RPSA: variants seen among roughly 807,000 people sequenced by gnomAD.
RPSA encodes the protein small ribosomal subunit protein uS2.
For synonymous variants in RPSA, 103 were observed against 126.7 expected (o/e 0.81, Z 1.25); for missense variants, 140 against 372.8 (o/e 0.38, Z 5.14).
intron 4 of RPSA, chr3:39,411,208 TAACA>T (rs1559400270): frequency 1.3e-6 from 1 of 753,412 alleles, no homozygotes; most frequent in East Asian, 2.5e-5. Context: ...GCTACAAGTA[TAACA>T]TTACTGCATG....
chr3:39,408,494 A>G lies in RPSA; in HGVS notation c.134-112A>G, dbSNP rs2125592200. The G allele has an allele frequency of 3.8e-6, 3 of 791,320 alleles. No individual in the cohort carries two copies. The East Asian group carries it at 7.3e-5, about 19-fold the overall frequency. 49.0% of individuals were successfully genotyped at this position (791,320 alleles called of 1,614,324 possible). A position where few individuals can be genotyped will look rare whatever the true frequency, so the allele number is the denominator to read the frequency against. ...GCAGGATTTTCGCTAACACCAGTAG[A>G]GCTTGCCTCTATGACTGGAGTTTGG... On this transcript the variant is annotated intron_variant, in intron 2 of 6. Coordinates refer to ENST00000301821, the MANE Select transcript of RPSA (RefSeq NM_002295.6).
rs3772138 is a variant in RPSA, at chr3:39,408,574, C to T, written c.134-32C>T. Reference sequence around the variant, plus strand: ...GAGAAGAATGTTTGCACAGCCAGGTCAAGTGTTACAAATCCTTCTGCCCTC... The same window carrying T: ...GAGAAGAATGTTTGCACAGCCAGGTTAAGTGTTACAAATCCTTCTGCCCTC... On this transcript the variant is annotated intron_variant, in intron 2 of 6. Coordinates refer to ENST00000301821, the MANE Select transcript of RPSA (RefSeq NM_002295.6). The T allele has an allele frequency of 0.3, 349,962 of 1,154,172 alleles. 54,581 individuals are homozygous for T. Among genetic ancestry groups the T allele is most frequent in the Non-Finnish European group, 0.32 (243,195 of 759,950 alleles). 71.5% of individuals were successfully genotyped at this position (1,154,172 alleles called of 1,614,324 possible). A position where few individuals can be genotyped will look rare whatever the true frequency, so the allele number is the denominator to read the frequency against.
In RPSA at chr3:39,412,438, A is replaced by G; in HGVS notation, c.*70A>G. The G allele has an allele frequency of 3.3e-6, 3 of 900,682 alleles. No homozygotes were observed. The highest frequency in any genetic ancestry group is 5.2e-6 in the Non-Finnish European group (3 of 577,796). The allele number at this position is 900,682 out of a possible 1,614,324, so 55.8% of individuals were successfully genotyped here. A position where few individuals can be genotyped will look rare whatever the true frequency, so the allele number is the denominator to read the frequency against. On this transcript the variant is annotated 3_prime_UTR_variant, in exon 7 of 7. Transcript: ENST00000301821. The stretch of plus-strand genomic sequence containing the variant: ...TGGAAAATAAACATCAGTTTCTAAA[A>G]GTTGTCTTCATTTAGTTTGCTTTTT...
At chr3:39,412,210 G>A (rs1270295160) in intron 6 of RPSA, 64 bp from the exon 7 acceptor site, 1 of 1,387,254 alleles carries the variant, frequency 7.2e-7, no homozygotes. Flanking sequence ...TGTTGGGAGT[G>A]GGGTAAGGAA....
At chr3:39,408,446 G>T (rs1453214041) in intron 2 of RPSA, 160 bp from the exon 3 acceptor site, 2 of 773,090 alleles carry the variant, frequency 2.6e-6, no homozygotes, top group Admixed American at 3.4e-5. Context: ...ACTTCTGAGT[G>T]TCGGAAGTGT....
At chr3:39,406,878 C>T (rs1324506452) in intron 1 of RPSA, 114 bp downstream of exon 1, 1 of 456,246 alleles carries the variant, frequency 2.2e-6, no homozygotes, top group South Asian at 1.5e-5. Context: ...GGATCTGTCT[C>T]CCGCCCGGCG....
intron 1 of RPSA, among the ~76,000 whole-genome samples, chr3:39,407,286 G>C (rs1423994947): frequency 6.6e-6 from 1 of 152,168 alleles, no homozygotes; most frequent in African/African-American, 2.4e-5. Flanking sequence ...CCTTTAGTTT[G>C]CATATTCCAA....
chr3:39,409,516 A>G (rs2041974842), intron 3 of RPSA, among the ~76,000 whole-genome samples: 2 of 152,182 alleles, frequency 1.3e-5, no homozygotes, highest in Non-Finnish European at 2.9e-5. Flanking sequence ...GACCTTTTCA[A>G]CATACATGCT....
intron 4 of RPSA, 22 bp from the exon 5 acceptor site, chr3:39,411,627 A>G: frequency 1.2e-6 from 2 of 1,609,600 alleles, no homozygotes; most frequent in Non-Finnish European, 8.5e-7. Flanking sequence ...GTCACTTTTT[A>G]ATAATCTGCC....
Position 39,406,779 on chromosome 3 carries a change from G to T in RPSA, c.-34+15G>T. ...CGTTGTTCTGGGTGAGTTCCGTGTA[G>T]CGTCCCTGGCGCCTTCCAGGGCTAG... On this transcript the variant is annotated intron_variant, in intron 1 of 6. Transcript: ENST00000301821. 2.3e-6 allele frequency: 1 copy of T among 443,030 alleles called. No individual in the cohort carries two copies. Among genetic ancestry groups the T allele is most frequent in the Non-Finnish European group, 4.5e-6 (1 of 220,458 alleles). 27.4% of individuals were successfully genotyped at this position (443,030 alleles called of 1,614,324 possible).
chr3:39,410,642 G>C, intron 3 of RPSA, 112 bp from the exon 4 acceptor site: 3 of 1,223,126 alleles, frequency 2.5e-6, no homozygotes, highest in Non-Finnish European at 1.2e-6. Context: ...GTATGTGCCT[G>C]CTTTACATGG....
At chr3:39,407,556 C>A in intron 1 of RPSA, 65 bp from the exon 2 acceptor site, 3 of 1,247,804 alleles carry the variant, frequency 2.4e-6, no homozygotes, top group Non-Finnish European at 3.5e-6. Context: ...TTTTTGGTTG[C>A]TTTTAAGGGT....
At position 39,406,733 on chromosome 3, in the gene RPSA, C is replaced by T. The variant is rs1659176898; in HGVS notation, c.-65C>T. 3 of 360,080 alleles carry T rather than the reference C, an allele frequency of 8.3e-6. No individual in the cohort carries two copies. The highest frequency in any genetic ancestry group is 2.2e-5 in the African/African-American group (1 of 44,728). 22.3% of individuals were successfully genotyped at this position (360,080 alleles called of 1,614,324 possible). On this transcript the variant is annotated 5_prime_UTR_variant, in exon 1 of 7. Coordinates refer to ENST00000301821, the MANE Select transcript of RPSA (RefSeq NM_002295.6). ...CCTGCCGCCTGTCTTTTCCGTGCTA[C>T]CTGCAGAGGGGTCCATACGGCGTTG...
At chr3:39,409,427 C>G (rs2041972950) in intron 3 of RPSA, among the ~76,000 whole-genome samples, 1 of 152,146 alleles carries the variant, frequency 6.6e-6, no homozygotes, top group Admixed American at 6.5e-5. Context: ...TCTTAAACGC[C>G]TGATCTCAAG....
At chr3:39,407,581 T>G (rs752154968) in intron 1 of RPSA, 40 bp from the exon 2 acceptor site, 13 of 1,490,962 alleles carry the variant, frequency 8.7e-6, no homozygotes, top group East Asian at 2.3e-5. Context: ...CCTACTTAAC[T>G]CAATGGAATG....
At chr3:39,407,830 A>T (rs1425739543) in intron 2 of RPSA, 44 bp downstream of exon 2, 1 of 1,551,396 alleles carries the variant, frequency 6.4e-7, no homozygotes, top group Admixed American at 1.7e-5. Context: ...CTGTAAGTAC[A>T]AATTTTGAGC....
intron 3 of RPSA, among the ~76,000 whole-genome samples, chr3:39,409,700 C>T (rs55919861): frequency 0.27 from 40,718 of 152,054 alleles, 6,031 homozygotes; most frequent in Non-Finnish European, 0.32. Flanking sequence ...CCAGTCATGA[C>T]GGCATGCACC....
In RPSA at chr3:39,408,589, C is replaced by T. The variant is rs2041955922; in HGVS notation, c.134-17C>T. On this transcript the variant is annotated splice_polypyrimidine_tract_variant and intron_variant, in intron 2 of 6. Transcript: ENST00000301821. ...ACAGCCAGGTCAAGTGTTACAAATC[C>T]TTCTGCCCTCACTTAGGCATCTATA... The T allele has an allele frequency of 7.4e-7, 1 of 1,342,348 alleles. No homozygotes were observed. Among genetic ancestry groups the T allele is most frequent in the Non-Finnish European group, 1.1e-6 (1 of 931,738 alleles). The allele number at this position is 1,342,348 out of a possible 1,614,324, so 83.2% of individuals were successfully genotyped here. A position where few individuals can be genotyped will look rare whatever the true frequency, so the allele number is the denominator to read the frequency against.
chr3:39,407,479 T>C, intron 1 of RPSA, 142 bp from the exon 2 acceptor site: 1 of 720,976 alleles, frequency 1.4e-6, no homozygotes, highest in South Asian at 1.4e-5. Context: ...ACGACATGTA[T>C]GGGTTAACTT....
Sources: gnomAD v4.1 joint callset for allele counts (sites outside exome capture counted in the v4.1 genomes callset) on GRCh38, gnomAD v4.1.1 for gene constraint, MANE v1.5 for transcripts, NCBI Gene and HGNC (gene_info 2026-07-23, HGNC 2026-07-21) for gene names.